WIPI1: variants seen among roughly 807,000 people sequenced by gnomAD.
WIPI1 encodes the protein WD repeat domain, phosphoinositide interacting 1, also known as WD repeat domain phosphoinositide-interacting protein 1.
In WIPI1, 45 loss-of-function variants were observed where a neutral mutation model predicts 55.3. The observed-to-expected ratio is 0.81, with a 90% CI of 0.64 to 1.04. The LOEUF (loss-of-function observed/expected upper bound fraction) is 1.04, where lower values mean the gene tolerates loss of function less well. WIPI1 is among the 50% of genes least tolerant of loss of function. WIPI1 has a pLI of 0.00. For synonymous variants in WIPI1, 195 were observed against 217.6 expected (o/e 0.90, Z 0.92); for missense variants, 445 against 559.0 (o/e 0.80, Z 2.06).
intron 1 of WIPI1, 63 bp from the exon 2 acceptor site, chr17:68,453,055 A>G (rs2084553648): frequency 7.2e-7 from 1 of 1,397,884 alleles, no homozygotes; most frequent in South Asian, 1.2e-5. Flanking sequence ...TCTGTCTGCA[A>G]ATAGATGCCT....
chr17:68,426,019 G>GAA (rs1568620444), intron 12 of WIPI1, 56 bp downstream of exon 12: 1 of 1,437,518 alleles, frequency 7.0e-7, no homozygotes, highest in Non-Finnish European at 9.8e-7. Flanking sequence ...ATGAGGCGAA[G>GAA]GTTTCCTTCT....
chr17:68,428,580 G>C (rs934660668), intron 10 of WIPI1: 2 of 420,154 alleles, frequency 4.8e-6, no homozygotes, highest in African/African-American at 2.0e-5. Flanking sequence ...GCTGTGTTAG[G>C]AGCATAGGCT....
At chr17:68,455,436 G>A (rs528993034) in intron 1 of WIPI1, among the ~76,000 whole-genome samples, 1 of 151,920 alleles carries the variant, frequency 6.6e-6, no homozygotes, top group South Asian at 2.1e-4. Flanking sequence ...TAGGGGACTG[G>A]TAAGGGTTTG....
rs375276366 is a variant in WIPI1, at chr17:68,433,455, G to C, written c.800+13C>G. 22 of 1,611,226 alleles carry C rather than the reference G, an allele frequency of 1.4e-5. No individual in the cohort carries two copies. Among genetic ancestry groups the C allele is most frequent in the Non-Finnish European group, 1.8e-5 (21 of 1,177,644 alleles). On this transcript the variant is annotated intron_variant, in intron 8 of 12. Transcript: ENST00000262139. ...TCGTTTAATGAGCATTTGGTGCCCCGCGGAGTACTTGCCTGTTGGTGACCT... is the reference window on the plus strand; with the variant it reads ...TCGTTTAATGAGCATTTGGTGCCCCCCGGAGTACTTGCCTGTTGGTGACCT...
At chr17:68,446,212 G>A (rs973563850) in intron 3 of WIPI1, among the ~76,000 whole-genome samples, 1 of 151,064 alleles carries the variant, frequency 6.6e-6, no homozygotes, top group Non-Finnish European at 1.5e-5. Context: ...ACAGGGTCTC[G>A]TTCTGTCACC....
intron 3 of WIPI1, among the ~76,000 whole-genome samples, chr17:68,447,175 G>C (rs1357234200): frequency 6.6e-6 from 1 of 152,104 alleles, no homozygotes; most frequent in East Asian, 1.9e-4. Context: ...TGGCCTCAGA[G>C]GCTTCGAGCC....
intron 3 of WIPI1, 121 bp from the exon 4 acceptor site, chr17:68,444,710 A>G: frequency 1.4e-6 from 1 of 723,080 alleles, no homozygotes; most frequent in Non-Finnish European, 2.2e-6. Context: ...CAGAATTTTG[A>G]TGATGCATTT....
At chr17:68,426,262 A>G (rs2083187719) in intron 11 of WIPI1, 87 bp from the exon 12 acceptor site, 5 of 1,017,754 alleles carry the variant, frequency 4.9e-6, no homozygotes, top group East Asian at 2.5e-5. Flanking sequence ...GGGCTCAAAT[A>G]AAGGGCAAAG....
At chr17:68,450,257 G>A (rs1225631927) in intron 3 of WIPI1, among the ~76,000 whole-genome samples, 1 of 152,228 alleles carries the variant, frequency 6.6e-6, no homozygotes, top group African/African-American at 2.4e-5. Context: ...CTGAGGACGT[G>A]GTGGGAGAAG....
At chr17:68,437,596 C>G (rs1261221598) in intron 4 of WIPI1, among the ~76,000 whole-genome samples, 1 of 151,518 alleles carries the variant, frequency 6.6e-6, no homozygotes, top group East Asian at 1.9e-4. Flanking sequence ...AGCCAAATGC[C>G]CTGCCTTGAT....
At chr17:68,435,734 G>A in intron 5 of WIPI1, 22 bp from the exon 6 acceptor site, 1 of 1,607,728 alleles carries the variant, frequency 6.2e-7, no homozygotes, top group East Asian at 2.2e-5. Flanking sequence ...AAGGAAAAAT[G>A]GATACAGATG....
chr17:68,426,246 G>T, intron 11 of WIPI1, 71 bp from the exon 12 acceptor site: 8 of 894,414 alleles, frequency 8.9e-6, no homozygotes, highest in South Asian at 1.3e-5. Flanking sequence ...GGCGGGTGGG[G>T]AGCGGGGGCT....
chr17:68,437,016 A>ATGTGTGTGTGTG (rs71142180), intron 4 of WIPI1, among the ~76,000 whole-genome samples: 10,396 of 144,542 alleles, frequency 0.072, 432 homozygotes, highest in Middle Eastern at 0.11. Flanking sequence ...ATATATATAT[A>ATGTGTGTGTGTG]TGTGTGTGTG....
At chr17:68,448,194 A>G (rs888298) in intron 3 of WIPI1, 74,066 of 151,864 alleles carry the variant, frequency 0.49, 18,508 homozygotes, top group African/African-American at 0.57. Flanking sequence ...CCCGGACACC[A>G]CAGAATCCCT....
intron 6 of WIPI1, among the ~76,000 whole-genome samples, chr17:68,434,940 G>A (rs771532760): frequency 1.3e-5 from 2 of 152,120 alleles, no homozygotes; most frequent in East Asian, 1.9e-4. Context: ...GGTGGCTCAC[G>A]CCTGTAATCC....
At chr17:68,427,517 T>C (rs1600267438) in intron 10 of WIPI1, 1 of 264,076 alleles carries the variant, frequency 3.8e-6, no homozygotes, top group East Asian at 1.0e-4. Flanking sequence ...CCACAGCGCC[T>C]GGCTAATTTT....
At chr17:68,438,166 G>A (rs541457793) in intron 4 of WIPI1, among the ~76,000 whole-genome samples, 1 of 152,226 alleles carries the variant, frequency 6.6e-6, no homozygotes, top group African/African-American at 2.4e-5. Context: ...TCCACAGCAG[G>A]GCTGTCCTCT....
rs144020430 is a variant in WIPI1 at position 68,426,159 on chromosome 17, G to A, written c.1209C>T (p.Gly403=). Residue 403 remains glycine (G), a synonymous_variant, in exon 12 of 13, where the codon GGC becomes GGT. Transcript: ENST00000262139. Reference sequence around the variant, plus strand: ...GAATAACTTCTCCTCGCAGCGCCCCGCCGTCCTCAGAATAACCTGGAAACC... The same window carrying A: ...GAATAACTTCTCCTCGCAGCGCCCCACCGTCCTCAGAATAACCTGGAAACC... The part of the protein sequence containing the change: ...ASTVPGYSED[G]GALRGEVIPE... The A allele has an allele frequency of 2.0e-4, 315 of 1,591,480 alleles. 1 individual carries two copies. The highest frequency in any genetic ancestry group is 6.8e-5 in the African/African-American group (5 of 73,498).
intron 4 of WIPI1, among the ~76,000 whole-genome samples, chr17:68,439,750 T>C (rs79009751): frequency 0.014 from 2,129 of 152,356 alleles, 40 homozygotes; most frequent in African/African-American, 0.048. Context: ...TGTGAAACTC[T>C]GGCCGAGTTA....
Sources: gnomAD v4.1 joint callset for allele counts (sites outside exome capture counted in the v4.1 genomes callset) on GRCh38, gnomAD v4.1.1 for gene constraint, MANE v1.5 for transcripts, NCBI Gene and HGNC (gene_info 2026-07-23, HGNC 2026-07-21) for gene names.